The following TECR variants were observed in gnomAD, a reference collection of about 807,000 sequenced individuals.
The protein encoded by TECR is trans-2,3-enoyl-CoA reductase.
A neutral mutation model predicts 50.6 loss-of-function variants in TECR; 19 were observed. The observed-to-expected ratio is 0.38, with a 90% confidence interval of 0.26 to 0.55. The LOEUF is 0.55. Ranked by LOEUF, TECR falls within the 20% of genes least tolerant of loss-of-function variation. The pLI is 0.79. For synonymous variants in TECR, 168 were observed against 163.5 expected, an observed-to-expected ratio of 1.03 and a Z score of -0.21; for missense variants, 313 against 408.3, an observed-to-expected ratio of 0.77 and a Z score of 2.01.
Position 14,565,875 on chromosome 19 carries a change from C to G in TECR, c.*4C>G, listed in dbSNP as rs1207138282. On this transcript the variant is annotated 3_prime_UTR_variant, in exon 13 of 13. Transcript: ENST00000215567. ...CATCATCCCCTTCCTGCTCTGAGCGCTCACCCCTGCTGAGGCTCAGCCCCT... is the reference window on the plus strand; with the variant it reads ...CATCATCCCCTTCCTGCTCTGAGCGGTCACCCCTGCTGAGGCTCAGCCCCT... 1 of 1,582,108 alleles carries G rather than the reference C, an allele frequency of 6.3e-7. No individual in the cohort carries two copies. The highest frequency in any genetic ancestry group is 8.6e-7 in the Non-Finnish European group (1 of 1,166,664).
chr19:14,545,643 C>T lies in TECR; in HGVS notation c.15+15932C>T, dbSNP rs533860803. 1.3e-3 allele frequency: 256 copies of T among 191,874 alleles called. 8 individuals are homozygous for T. The South Asian group carries it at 0.019, about 14-fold the overall frequency. The allele number at this position is 191,874 out of a possible 1,614,324, so 11.9% of individuals were successfully genotyped here. ...CAGCAGCTGGCACAGGCAGGCCCGA[C>T]GCAGCAAGGGGCACAGTCCGTGTTG... On this transcript the variant is annotated intron_variant, in intron 1 of 12. Transcript: ENST00000215567.
At chr19:14,541,993 G>A (rs558358583) in intron 1 of TECR, among the ~76,000 whole-genome samples, 2 of 152,144 alleles carry the variant, frequency 1.3e-5, no homozygotes, top group Non-Finnish European at 2.9e-5. Context: ...ATGTTGGCCA[G>A]GCTGGTTTCG....
chr19:14,555,637 T>C (rs1327501173), intron 1 of TECR, among the ~76,000 whole-genome samples: 2 of 151,808 alleles, frequency 1.3e-5, no homozygotes, highest in Non-Finnish European at 2.9e-5. Context: ...CACGGGGTTT[T>C]ACCATGTTGG....
intron 1 of TECR, among the ~76,000 whole-genome samples, chr19:14,561,292 G>C (rs1042797470): frequency 2.0e-5 from 3 of 152,210 alleles, no homozygotes; most frequent in African/African-American, 7.2e-5. Context: ...CTGGGTTTCT[G>C]TGGGTAGGAA....
chr19:14,564,341 C>T lies in TECR; in HGVS notation c.489+54C>T, dbSNP rs571144394. The T allele has an allele frequency of 2.6e-3, 3,619 of 1,401,832 alleles. 116 individuals are homozygous for T. The South Asian group carries it at 0.043, about 17-fold the overall frequency. The allele number at this position is 1,401,832 out of a possible 1,614,324, so 86.8% of individuals were successfully genotyped here. ...AGCCCCGCCTTTCTGCCCCACCCCG[C>T]CCCGCCCCCACCGAGCCCCACCCCA... is the stretch of plus-strand genomic sequence containing the variant. On this transcript the variant is annotated intron_variant, in intron 7 of 12. Transcript: ENST00000215567.
At position 14,529,606 on chromosome 19, in the gene TECR, G is replaced by C. The variant is rs377544418; in HGVS notation, c.-91G>C. 4.0e-5 allele frequency: 64 copies of C among 1,597,846 alleles called. No homozygotes were observed. Among genetic ancestry groups the C allele is most frequent in the African/African-American group, 2.7e-4 (20 of 74,694 alleles). On this transcript the variant is annotated 5_prime_UTR_variant, in exon 1 of 13. Coordinates refer to ENST00000215567, the MANE Select transcript of TECR (RefSeq NM_138501.6). ...GACGCAGAGCCGCGTTTAGTCTATCGCTGCGGTTGCGAGCGCTGTAGGGAG... is the reference window on the plus strand; with the variant it reads ...GACGCAGAGCCGCGTTTAGTCTATCCCTGCGGTTGCGAGCGCTGTAGGGAG...
intron 1 of TECR, among the ~76,000 whole-genome samples, chr19:14,555,081 T>G (rs1169097503): frequency 6.8e-5 from 10 of 147,580 alleles, no homozygotes; most frequent in South Asian, 2.2e-4. Context: ...CTGGCCTTGT[T>G]TTTTTTTTTT....
intron 1 of TECR, among the ~76,000 whole-genome samples, chr19:14,534,940 C>T (rs1474601346): frequency 6.6e-6 from 1 of 152,168 alleles, no homozygotes; most frequent in East Asian, 1.9e-4. Flanking sequence ...CAGCTGGTGG[C>T]TCTCCTGCTG....
chr19:14,528,066 T>A (rs1160449558), upstream of TECR, among the ~76,000 whole-genome samples: 1 of 151,624 alleles, frequency 6.6e-6, no homozygotes, highest in Non-Finnish European at 1.5e-5. Flanking sequence ...GTATTTTTAG[T>A]AGAGACAGGG....
chr19:14,564,461 C>T, intron 7 of TECR, among the ~76,000 whole-genome samples, 174 bp downstream of exon 7: 1 of 133,086 alleles, frequency 7.5e-6, no homozygotes, highest in East Asian at 2.2e-4. Context: ...CTCTAGACCC[C>T]GCCCGTCCTC....
chr19:14,531,555 C>T (rs566713476), intron 1 of TECR: 14 of 151,250 alleles, frequency 9.3e-5, no homozygotes, highest in Admixed American at 2.6e-4. Flanking sequence ...CCTGAGTAGC[C>T]GGAATTACAG....
At chr19:14,561,790 A>G (rs779718802) in intron 1 of TECR, among the ~76,000 whole-genome samples, 2 of 152,176 alleles carry the variant, frequency 1.3e-5, no homozygotes, top group Non-Finnish European at 2.9e-5. Flanking sequence ...TGGTAACACA[A>G]ATGCACAAGG....
At chr19:14,553,058 C>T (rs925360366) in intron 1 of TECR, among the ~76,000 whole-genome samples, 3 of 152,048 alleles carry the variant, frequency 2.0e-5, no homozygotes, top group Admixed American at 6.5e-5. Flanking sequence ...AGGGCTGAGA[C>T]CCAGGTTCTC....
rs749341292 is a variant in TECR, at chr19:14,563,750, A to G, written c.163+48A>G. On this transcript the variant is annotated intron_variant, in intron 4 of 12. Transcript: ENST00000215567. This position sits in a 1 kb window ranked among gnomAD's most constrained non-coding sequence, Gnocchi z 5.3. ...CCCGCCCCCTGGGCTCCTGGGTGGC[A>G]GTGGGAGAAGGCCCGGGTAGCCCCT... 7 of 1,612,500 alleles carry G rather than the reference A, an allele frequency of 4.3e-6. No individual in the cohort carries two copies. The highest frequency in any genetic ancestry group is 5.9e-6 in the Non-Finnish European group (7 of 1,179,776).
rs1217629796 is a variant in TECR, at chr19:14,563,174, A to G, written c.67-32A>G. 6.2e-7 allele frequency: 1 copy of G among 1,613,736 alleles called. No individual in the cohort carries two copies. Among genetic ancestry groups the G allele is most frequent in the Admixed American group, 1.7e-5 (1 of 59,982 alleles). On this transcript the variant is annotated intron_variant, in intron 2 of 12. Transcript: ENST00000215567. This position sits in a 1 kb window ranked among gnomAD's most constrained non-coding sequence, Gnocchi z 5.3. ...CATCCTGAGTCTGGGCTCCCCGCAG[A>G]GCTGACGTCCCTGCGCCTGTGCTTC... is the stretch of plus-strand genomic sequence containing the variant.
chr19:14,565,152 G>A, intron 10 of TECR, 29 bp downstream of exon 10: 1 of 1,613,788 alleles, frequency 6.2e-7, no homozygotes, highest in Non-Finnish European at 8.5e-7. Flanking sequence ...CAGGGGGACA[G>A]CTGGGCTGGG....
intron 1 of TECR, chr19:14,562,278 G>A (rs543872996): frequency 9.5e-5 from 58 of 612,444 alleles, no homozygotes; most frequent in South Asian, 3.9e-5. Flanking sequence ...ATTTGATCGC[G>A]CTTGCCCGGC....
chr19:14,553,439 C>T (rs924621909), intron 1 of TECR, among the ~76,000 whole-genome samples: 3 of 152,110 alleles, frequency 2.0e-5, no homozygotes, highest in Admixed American at 6.5e-5. Flanking sequence ...TCCACTGTGG[C>T]GCCTCGGGGA....
chr19:14,537,998 G>T (rs1330179258), intron 1 of TECR, among the ~76,000 whole-genome samples: 1 of 152,040 alleles, frequency 6.6e-6, no homozygotes, highest in Non-Finnish European at 1.5e-5. Context: ...CGCCCAACTT[G>T]GCCTCCCAAA....
Sources: allele counts gnomAD v4.1 joint callset (sites outside exome capture counted in the v4.1 genomes callset), GRCh38; gene constraint gnomAD v4.1.1; non-coding constraint Gnocchi (gnomAD v3.1); transcripts MANE v1.5; gene names NCBI Gene and HGNC (gene_info 2026-07-23, HGNC 2026-07-21).